PTPRT: variants seen among roughly 807,000 people sequenced by gnomAD.
The protein encoded by PTPRT is receptor-type tyrosine-protein phosphatase T.
In PTPRT, 56 loss-of-function variants were observed where a neutral mutation model predicts 176.8. That is an observed-to-expected ratio of 0.32 (90% CI 0.26 to 0.40). The LOEUF is 0.40. Ranked by LOEUF, PTPRT falls within the 10% of genes least tolerant of loss-of-function variation. The pLI is 1.00. For missense variants in PTPRT, 1,540 were observed against 1,908.2 expected (o/e 0.81, Z 3.60); for synonymous variants, 783 against 739.0 (o/e 1.06, Z -0.96).
At chr20:42,982,051 G>A (rs909311621) in intron 1 of PTPRT, among the ~76,000 whole-genome samples, 1 of 152,142 alleles carries the variant, frequency 6.6e-6, no homozygotes, top group Non-Finnish European at 1.5e-5. Flanking sequence ...AAGATATGTG[G>A]GTTTCCTAAC....
chr20:42,292,569 T>C (rs1027690335), intron 12 of PTPRT, among the ~76,000 whole-genome samples: 5 of 152,186 alleles, frequency 3.3e-5, no homozygotes, highest in African/African-American at 1.2e-4. Context: ...ACACGTATAA[T>C]AAGCCAGGCT....
chr20:43,081,420 G>A (rs557495304), intron 1 of PTPRT, among the ~76,000 whole-genome samples: 1 of 152,166 alleles, frequency 6.6e-6, no homozygotes, highest in Admixed American at 6.5e-5. Flanking sequence ...CTATACATTT[G>A]TTTATATACA....
At chr20:42,038,775 GA>G in the PTPRT span, among the ~76,000 whole-genome samples, 2 of 152,206 alleles carry the variant, frequency 1.3e-5, no homozygotes, top group African/African-American at 4.8e-5. Context: ...GGAGCCAGGT[GA>G]GTAGGCTAAG....
chr20:42,708,626 C>T (rs1173316899), intron 6 of PTPRT, among the ~76,000 whole-genome samples: 3 of 152,196 alleles, frequency 2.0e-5, no homozygotes, highest in African/African-American at 4.8e-5. Context: ...TTGCATTTCC[C>T]GTAGGTCTCT....
At chr20:42,469,652 C>A (rs986103740) in intron 8 of PTPRT, among the ~76,000 whole-genome samples, 3 of 152,168 alleles carry the variant, frequency 2.0e-5, no homozygotes, top group African/African-American at 7.2e-5. Context: ...ACAATGAAGT[C>A]AGATCTAGGG....
intron 7 of PTPRT, among the ~76,000 whole-genome samples, chr20:42,569,532 ATGCCTGAGTC>A (rs1461559273): frequency 6.6e-6 from 1 of 152,120 alleles, no homozygotes; most frequent in African/African-American, 2.4e-5. Flanking sequence ...TATCAGCCAA[ATGCCTGAGTC>A]TGCACCCTGT....
At chr20:42,914,870 G>A (rs1232242219) in intron 1 of PTPRT, among the ~76,000 whole-genome samples, 4 of 149,540 alleles carry the variant, frequency 2.7e-5, no homozygotes, top group African/African-American at 1.0e-4. Flanking sequence ...CCTTAAAAGT[G>A]TACAGTTAAA....
At chr20:42,892,238 G>T (rs1439727812) in intron 1 of PTPRT, among the ~76,000 whole-genome samples, 1 of 152,144 alleles carries the variant, frequency 6.6e-6, no homozygotes, top group Non-Finnish European at 1.5e-5. Flanking sequence ...TTTACCTACA[G>T]TATCTAACCC....
At chr20:42,423,359 C>A (rs548529243) in intron 9 of PTPRT, among the ~76,000 whole-genome samples, 30 of 152,168 alleles carry the variant, frequency 2.0e-4, no homozygotes, top group Non-Finnish European at 3.8e-4. Flanking sequence ...TGACACGTCA[C>A]CCAGGGTTAG....
intron 2 of PTPRT, among the ~76,000 whole-genome samples, chr20:42,854,819 C>A (rs1029176785): frequency 6.6e-6 from 1 of 152,158 alleles, no homozygotes; most frequent in Non-Finnish European, 1.5e-5. Flanking sequence ...TGCAAAGAAG[C>A]AAATTAAATT....
At chr20:42,367,626 G>T (rs1019657361) in intron 9 of PTPRT, among the ~76,000 whole-genome samples, 1 of 152,168 alleles carries the variant, frequency 6.6e-6, no homozygotes, top group Non-Finnish European at 1.5e-5. Context: ...AGCAGAGCAG[G>T]GTGGGGAGGA....
At chr20:42,800,642 A>G (rs1425753356) in intron 2 of PTPRT, among the ~76,000 whole-genome samples, 1 of 152,204 alleles carries the variant, frequency 6.6e-6, no homozygotes, top group African/African-American at 2.4e-5. Context: ...AATTACACTC[A>G]CAGAATGTTC....
chr20:42,658,429 A>G (rs1344920849), intron 7 of PTPRT, among the ~76,000 whole-genome samples: 2 of 152,220 alleles, frequency 1.3e-5, no homozygotes, highest in Non-Finnish European at 2.9e-5. Context: ...CTTGGGGGCC[A>G]CTTAAAGCAG....
intron 2 of PTPRT, among the ~76,000 whole-genome samples, chr20:42,843,550 G>A (rs561275330): frequency 9.8e-5 from 15 of 152,346 alleles, no homozygotes; most frequent in Non-Finnish European, 1.9e-4. Flanking sequence ...ACCTGGCAAG[G>A]GTGATAACCT....
chr20:42,205,373 G>A (rs568483243), intron 15 of PTPRT, among the ~76,000 whole-genome samples: 13 of 152,278 alleles, frequency 8.5e-5, no homozygotes, highest in African/African-American at 2.2e-4. Flanking sequence ...AATAGTTAAT[G>A]AGCAAGTACG....
intron 2 of PTPRT, among the ~76,000 whole-genome samples, chr20:42,872,171 C>A (rs2078856712): frequency 6.6e-6 from 1 of 152,216 alleles, no homozygotes; most frequent in African/African-American, 2.4e-5. Flanking sequence ...GCTCAAATAT[C>A]TGTTGCTTTC....
intron 7 of PTPRT, among the ~76,000 whole-genome samples, chr20:42,578,735 A>G (rs1171519008): frequency 6.6e-6 from 1 of 152,090 alleles, no homozygotes; most frequent in Non-Finnish European, 1.5e-5. Flanking sequence ...CGGATCTGCA[A>G]TCGCCTCCTA....
At chr20:42,777,135 A>T (rs2077149104) in intron 4 of PTPRT, among the ~76,000 whole-genome samples, 1 of 152,058 alleles carries the variant, frequency 6.6e-6, no homozygotes, top group South Asian at 2.1e-4. Context: ...CATCTTCTCT[A>T]TGGTCCTCCA....
chr20:42,216,705 G>A (rs1481317599), intron 15 of PTPRT, among the ~76,000 whole-genome samples: 3 of 152,064 alleles, frequency 2.0e-5, no homozygotes, highest in Non-Finnish European at 4.4e-5. Flanking sequence ...CTTTATTGTT[G>A]CATCGTCCCA....
Sources: allele counts gnomAD v4.1 joint callset (sites outside exome capture counted in the v4.1 genomes callset), GRCh38; gene constraint gnomAD v4.1.1; transcripts MANE v1.5; gene names NCBI Gene and HGNC (gene_info 2026-07-23, HGNC 2026-07-21).